Variants in GPM6A observed in about 807,000 individuals in gnomAD.
The protein encoded by GPM6A is glycoprotein M6A.
In GPM6A, 7 loss-of-function variants were observed where a neutral mutation model predicts 32.1. That is an observed-to-expected ratio of 0.22 (90% confidence interval 0.12 to 0.41). GPM6A has a LOEUF of 0.41. Among genes scored for constraint, GPM6A ranks in the 10% least tolerant of loss-of-function variants. GPM6A has a pLI of 1.00. For synonymous variants in GPM6A, 130 were observed against 123.4 expected, an observed-to-expected ratio of 1.05 and a Z score of -0.35; for missense variants, 235 against 347.2, an observed-to-expected ratio of 0.68 and a Z score of 2.57.
In GPM6A at chr4:175,782,551, C is replaced by T. The variant is rs376670306; in HGVS notation, c.37+29640G>A. Among the ~76,000 whole-genome samples, 19 of 152,012 alleles carry T rather than the reference C, an allele frequency of 1.2e-4. 1 individual carries two copies. The East Asian group carries it at 1.5e-3, about 12-fold the overall frequency. On this transcript the variant is annotated intron_variant, in intron 1 of 6. Transcript: ENST00000393658. The stretch of plus-strand genomic sequence containing the variant: ...GTTCATCATTGTTTTCTTGATGGTC[C>T]TTTTTAATACAATGCGGCAAATTAA...
chr4:175,760,591 T>A (rs192134688), intron 1 of GPM6A, among the ~76,000 whole-genome samples: 4 of 152,276 alleles, frequency 2.6e-5, no homozygotes, highest in Non-Finnish European at 2.9e-5. Context: ...AAAGATTAAA[T>A]CAAGATTCCA....
intron 1 of GPM6A, among the ~76,000 whole-genome samples, chr4:175,958,542 G>C (rs1740062432): frequency 6.6e-6 from 1 of 152,194 alleles, no homozygotes; most frequent in South Asian, 2.1e-4. Flanking sequence ...GGCTAAAACT[G>C]TATTCTAAAC....
chr4:175,746,883 T>G (rs978319650), intron 1 of GPM6A, among the ~76,000 whole-genome samples: 30 of 152,146 alleles, frequency 2.0e-4, no homozygotes, highest in African/African-American at 7.2e-4. Flanking sequence ...GTGTGATGAT[T>G]AGCAAGTACT....
intron 1 of GPM6A, among the ~76,000 whole-genome samples, chr4:175,868,372 C>T (rs940136918): frequency 2.0e-5 from 3 of 152,158 alleles, no homozygotes; most frequent in Admixed American, 6.6e-5. Flanking sequence ...TAGTGAAACA[C>T]CCTTTGTCAG....
intron 4 of GPM6A, among the ~76,000 whole-genome samples, chr4:175,645,678 G>A (rs1209715821): frequency 8.5e-5 from 13 of 152,076 alleles, no homozygotes; most frequent in East Asian, 3.9e-4. Flanking sequence ...CCGAGATGGC[G>A]CCACTGCACT....
At chr4:175,774,217 G>A (rs1733305641) in intron 1 of GPM6A, among the ~76,000 whole-genome samples, 1 of 151,844 alleles carries the variant, frequency 6.6e-6, no homozygotes, top group South Asian at 2.1e-4. Flanking sequence ...ATCAAGTCCA[G>A]TGGAAGGAAA....
At chr4:175,865,447 T>C (rs1736705035) in intron 1 of GPM6A, among the ~76,000 whole-genome samples, 1 of 152,226 alleles carries the variant, frequency 6.6e-6, no homozygotes, top group Non-Finnish European at 1.5e-5. Context: ...AAGAATGAGT[T>C]AGAATATTTC....
intron 1 of GPM6A, chr4:175,907,025 C>T (rs1009289301): frequency 1.3e-5 from 2 of 152,080 alleles, no homozygotes; most frequent in Non-Finnish European, 2.9e-5. Flanking sequence ...CTCCTTAAAA[C>T]TCATAAGTAC....
chr4:175,923,215 TTATATATA>T lies in GPM6A; in HGVS notation c.-23+79086_-23+79093del, dbSNP rs201557656. On this transcript the variant is annotated intron_variant, in intron 1 of 7. Coordinates refer to the GPM6A transcript ENST00000280187. ...AGTCCCTGACATTTCATAACATGAT[TTATATATA>T]TATATATATATATATATATATATAC... 6.5e-3 allele frequency among the ~76,000 whole-genome samples: 173 copies of T among 26,742 alleles called. 1 individual carries two copies. The highest frequency in any genetic ancestry group is 0.012 in the Admixed American group (15 of 1,212). 17.5% of individuals were successfully genotyped at this position (26,742 alleles called of 152,430 possible).
intron 2 of GPM6A, among the ~76,000 whole-genome samples, chr4:175,694,018 T>C (rs1490972079): frequency 6.6e-6 from 1 of 152,154 alleles, no homozygotes; most frequent in Non-Finnish European, 1.5e-5. Context: ...CCGTGTAAGA[T>C]AGGCCTGTTT....
At chr4:175,842,887 C>T (rs115057346) in intron 1 of GPM6A, among the ~76,000 whole-genome samples, 70 of 151,840 alleles carry the variant, frequency 4.6e-4, no homozygotes, top group African/African-American at 1.6e-3. Context: ...AAAAAGAAAG[C>T]ATTATTAATC....
At chr4:175,992,369 G>A (rs1385367343) in intron 1 of GPM6A, among the ~76,000 whole-genome samples, 2 of 152,092 alleles carry the variant, frequency 1.3e-5, no homozygotes, top group Non-Finnish European at 2.9e-5. Context: ...CCCAAATCTG[G>A]TTGAAGCCTT....
At chr4:175,885,803 A>G (rs1737433996) in intron 1 of GPM6A, among the ~76,000 whole-genome samples, 1 of 152,172 alleles carries the variant, frequency 6.6e-6, no homozygotes, top group Non-Finnish European at 1.5e-5. Flanking sequence ...CAAATGGTGA[A>G]AACTAATTGG....
intron 1 of GPM6A, among the ~76,000 whole-genome samples, chr4:175,960,027 A>G (rs954151151): frequency 3.9e-5 from 6 of 152,208 alleles, no homozygotes; most frequent in Non-Finnish European, 1.5e-5. Context: ...AGGCACAAAG[A>G]GGTTAAGTAA....
At chr4:175,989,201 G>T (rs1448342722) in intron 1 of GPM6A, among the ~76,000 whole-genome samples, 1 of 152,046 alleles carries the variant, frequency 6.6e-6, no homozygotes, top group Non-Finnish European at 1.5e-5. Flanking sequence ...TTACTATTCA[G>T]AATGCTTTGT....
Position 175,975,977 on chromosome 4 carries a change from T to A in GPM6A, c.-23+26332A>T, listed in dbSNP as rs578183959. On this transcript the variant is annotated intron_variant, in intron 1 of 7. Transcript: ENST00000280187. ...ATAGTGGCTTTCAAGGCTTTTGGTATGCTAGGAATAAAAAAAAACTATGCT... is the reference window on the plus strand; with the variant it reads ...ATAGTGGCTTTCAAGGCTTTTGGTAAGCTAGGAATAAAAAAAAACTATGCT... Among the ~76,000 whole-genome samples the A allele has an allele frequency of 2.9e-4, 5 of 17,128 alleles. No homozygotes were observed. In the Admixed American group the frequency reaches 4.5e-3, roughly 16 times the overall value. The allele number at this position is 17,128 out of a possible 152,430, so 11.2% of individuals were successfully genotyped here.
chr4:175,662,365 T>C (rs1742474700), intron 3 of GPM6A, among the ~76,000 whole-genome samples: 1 of 152,146 alleles, frequency 6.6e-6, no homozygotes, highest in South Asian at 2.1e-4. Context: ...TTTCAGAGGC[T>C]GAGGTGGGTG....
chr4:175,771,977 C>T (rs192129732), intron 1 of GPM6A, among the ~76,000 whole-genome samples: 54 of 152,318 alleles, frequency 3.5e-4, no homozygotes, highest in Non-Finnish European at 6.2e-4. Flanking sequence ...GAGAGGCCAA[C>T]AGACTTATTT....
intron 4 of GPM6A, among the ~76,000 whole-genome samples, chr4:175,647,191 C>T (rs1741509343): frequency 6.6e-6 from 1 of 152,144 alleles, no homozygotes; most frequent in South Asian, 2.1e-4. Flanking sequence ...AAAAGAAGCC[C>T]CACCTACTTT....
Sources: allele counts gnomAD v4.1 joint callset (sites outside exome capture counted in the v4.1 genomes callset), GRCh38; gene constraint gnomAD v4.1.1; transcripts MANE v1.5; gene names NCBI Gene and HGNC (gene_info 2026-07-23, HGNC 2026-07-21).